CENPU: variants seen among roughly 807,000 people sequenced by gnomAD.
The protein encoded by CENPU is centromere protein U, also known as KSHV latent nuclear antigen interacting protein 1.
Under a neutral mutation model 56.7 loss-of-function variants are expected in CENPU, and 46 were observed. The observed-to-expected ratio is 0.81, with a 90% CI of 0.64 to 1.04. CENPU has a LOEUF of 1.04. CENPU is among the 50% of genes least tolerant of loss of function. The pLI, the probability that CENPU is intolerant of heterozygous loss-of-function variation, is 0.00. For missense variants in CENPU, 510 were observed against 490.1 expected, an observed-to-expected ratio of 1.04 and a Z score of -0.38; for synonymous variants, 166 against 163.0, an observed-to-expected ratio of 1.02 and a Z score of -0.14.
At chr4:184,722,159 T>G (rs1161658847) in intron 4 of CENPU, among the ~76,000 whole-genome samples, 2 of 152,022 alleles carry the variant, frequency 1.3e-5, no homozygotes, top group Non-Finnish European at 2.9e-5. Flanking sequence ...ATTAAGAGAT[T>G]AAGAAGGAAG....
intron 1 of CENPU, among the ~76,000 whole-genome samples, chr4:184,731,303 TA>T (rs1761637734): frequency 6.6e-6 from 1 of 152,208 alleles, no homozygotes; most frequent in Non-Finnish European, 1.5e-5. Flanking sequence ...CTGGCTCTCC[TA>T]CGTCCTTTTC....
Position 184,695,263 on chromosome 4 carries a change from G to T in CENPU, c.*25C>A. ...ACAGCATGAGACTAGTCTTCCTATA[G>T]GCACATTTTAGTAGACTGCTCTTCT... On this transcript the variant is annotated 3_prime_UTR_variant, in exon 13 of 13. Coordinates refer to ENST00000281453, the MANE Select transcript of CENPU (RefSeq NM_024629.4). The T allele has an allele frequency of 1.4e-6, 2 of 1,467,208 alleles. No individual in the cohort carries two copies. The highest frequency in any genetic ancestry group is 9.6e-7 in the Non-Finnish European group (1 of 1,046,628). The allele number at this position is 1,467,208 out of a possible 1,614,324, so 90.9% of individuals were successfully genotyped here.
intron 8 of CENPU, among the ~76,000 whole-genome samples, chr4:184,703,424 T>C (rs1036668175): frequency 1.3e-5 from 2 of 152,124 alleles, no homozygotes; most frequent in Non-Finnish European, 2.9e-5. Flanking sequence ...AGAGATCTGG[T>C]GGCCAGGCTC....
At chr4:184,704,126 G>A (rs532744885) in intron 8 of CENPU, among the ~76,000 whole-genome samples, 3 of 150,972 alleles carry the variant, frequency 2.0e-5, no homozygotes, top group East Asian at 1.9e-4. Flanking sequence ...TGTCACCCCC[G>A]CTGGACTGAG....
At chr4:184,705,224 T>C (rs966488933) in intron 8 of CENPU, among the ~76,000 whole-genome samples, 4 of 152,166 alleles carry the variant, frequency 2.6e-5, no homozygotes, top group Non-Finnish European at 2.9e-5. Context: ...ATCCATACCA[T>C]AGAATGTTAC....
chr4:184,702,050 G>A lies in CENPU; in HGVS notation c.924+39C>T, dbSNP rs576944205. The A allele has an allele frequency of 4.9e-5, 65 of 1,332,726 alleles. 1 individual carries two copies. In the East Asian group the frequency reaches 1.4e-3, roughly 29 times the overall value. 82.6% of individuals were successfully genotyped at this position (1,332,726 alleles called of 1,614,324 possible). ...CTTCGCATAACTCTACATTAGTATT[G>A]TGTTTGACTCTATGACTCTAATCAC... On this transcript the variant is annotated intron_variant, in intron 10 of 12. Transcript: ENST00000281453.
chr4:184,720,413 C>T (rs984085691), intron 4 of CENPU, among the ~76,000 whole-genome samples: 2 of 152,084 alleles, frequency 1.3e-5, no homozygotes, highest in South Asian at 2.1e-4. Flanking sequence ...AAGGGCAAAT[C>T]GAAGAGTTAT....
Position 184,696,173 on chromosome 4 carries a change from T to C in CENPU, c.1144-772A>G, listed in dbSNP as rs372704905. On this transcript the variant is annotated intron_variant, in intron 12 of 12. Transcript: ENST00000281453. ...TGTCATGCTGTGACTACCACACACA[T>C]GATAATGGAATTTTATACAAATATT... Among the ~76,000 whole-genome samples, 14 of 152,278 alleles carry C rather than the reference T, an allele frequency of 9.2e-5. No homozygotes were observed. In the East Asian group the frequency reaches 2.7e-3, roughly 29 times the overall value.
chr4:184,710,002 T>C, intron 8 of CENPU, 70 bp downstream of exon 8: 2 of 705,214 alleles, frequency 2.8e-6, no homozygotes, highest in Non-Finnish European at 4.8e-6. Context: ...ACAAAAACTG[T>C]AGGATGAGCA....
chr4:184,728,639 C>T (rs539037851), intron 3 of CENPU, among the ~76,000 whole-genome samples: 1 of 152,328 alleles, frequency 6.6e-6, no homozygotes, highest in East Asian at 1.9e-4. Flanking sequence ...GAAATGTATG[C>T]TATGTTCCCC....
At chr4:184,733,143 C>G (rs939731778) in intron 1 of CENPU, among the ~76,000 whole-genome samples, 1 of 152,202 alleles carries the variant, frequency 6.6e-6, no homozygotes. Context: ...CTCTTTTCAG[C>G]TGACATTGAA....
intron 7 of CENPU, among the ~76,000 whole-genome samples, chr4:184,712,028 G>A (rs1760941776): frequency 6.7e-6 from 1 of 150,258 alleles, no homozygotes; most frequent in African/African-American, 2.5e-5. Context: ...GGCTGAGGCA[G>A]GCGATTCGCT....
chr4:184,728,963 T>C lies in CENPU; in HGVS notation c.169A>G (p.Arg57Gly), dbSNP rs374789437. 6.2e-7 allele frequency: 1 copy of C among 1,614,124 alleles called. No homozygotes were observed. Among genetic ancestry groups the C allele is most frequent in the Non-Finnish European group, 8.5e-7 (1 of 1,179,984 alleles). Reference protein sequence around the residue: ...PDNSDVSSIGRLGENEKDEET... With the variant: ...PDNSDVSSIGGLGENEKDEET... ...TCATCTTTCTCATTTTCACCCAGCC[T>C]GCCAATGCTTGAGACATCAGAATTA... The change falls in exon 3 of 13, where the codon AGG becomes GGG. Residue 57 changes from arginine to glycine, a missense_variant. Coordinates refer to ENST00000281453, the MANE Select transcript of CENPU (RefSeq NM_024629.4).
intron 4 of CENPU, among the ~76,000 whole-genome samples, chr4:184,723,850 A>T (rs1421142856): frequency 6.6e-6 from 1 of 150,858 alleles, no homozygotes; most frequent in Non-Finnish European, 1.5e-5. Flanking sequence ...TCAAAAAAAA[A>T]AAAAAAAAAA....
intron 4 of CENPU, among the ~76,000 whole-genome samples, chr4:184,720,032 A>T (rs1321993246): frequency 6.6e-6 from 1 of 152,190 alleles, no homozygotes; most frequent in Non-Finnish European, 1.5e-5. Context: ...AAATGAACTA[A>T]ATAAGGCACC....
chr4:184,694,442 A>ATAGAG lies in CENPU; in HGVS notation c.*841_*845dup, dbSNP rs1760014088. 1.3e-6 allele frequency: 2 copies of ATAGAG among 1,506,278 alleles called. No individual in the cohort carries two copies. The highest frequency in any genetic ancestry group is 1.8e-6 in the Non-Finnish European group (2 of 1,125,306). The allele number at this position is 1,506,278 out of a possible 1,614,324, so 93.3% of individuals were successfully genotyped here. The stretch of plus-strand genomic sequence containing the variant: ...CTGTCACTTAATACCTTACTTCAAC[A>ATAGAG]TAGAGTATAAGGTTAAATCACATAT... On this transcript the variant is annotated 3_prime_UTR_variant, in exon 13 of 13. Coordinates refer to ENST00000281453, the MANE Select transcript of CENPU (RefSeq NM_024629.4).
intron 4 of CENPU, among the ~76,000 whole-genome samples, chr4:184,718,846 G>A (rs6834371): frequency 0.056 from 8,474 of 152,222 alleles, 757 homozygotes; most frequent in African/African-American, 0.19. Context: ...GAAGGAAAAG[G>A]ATGAAGCTCA....
chr4:184,703,400 T>C (rs1417802913), intron 8 of CENPU, among the ~76,000 whole-genome samples: 1 of 152,160 alleles, frequency 6.6e-6, no homozygotes, highest in Non-Finnish European at 1.5e-5. Flanking sequence ...CTCAGGTCTC[T>C]GTCACTGGGG....
intron 11 of CENPU, chr4:184,699,729 C>T (rs1469696555): frequency 7.0e-6 from 5 of 711,204 alleles, no homozygotes; most frequent in South Asian, 3.1e-5. Flanking sequence ...GGCACAATCT[C>T]GGCTCCCTGC....
Sources: gnomAD v4.1 joint callset for allele counts (sites outside exome capture counted in the v4.1 genomes callset) on GRCh38, gnomAD v4.1.1 for gene constraint, MANE v1.5 for transcripts, NCBI Gene and HGNC (gene_info 2026-07-23, HGNC 2026-07-21) for gene names.